The following SMURF1 variants were observed in gnomAD, a reference collection of about 807,000 sequenced individuals.
SMURF1 encodes the protein SMAD specific E3 ubiquitin protein ligase 1, also known as E3 ubiquitin-protein ligase SMURF1.
SMURF1 carries 44 observed loss-of-function variants against 98.0 expected under a neutral mutation model. That is an observed-to-expected ratio of 0.45 (90% confidence interval 0.35 to 0.58). SMURF1 has a LOEUF of 0.58. Among genes scored for constraint, SMURF1 ranks in the 20% least tolerant of loss-of-function variants. SMURF1 has a pLI of 0.00. For synonymous variants in SMURF1, 396 were observed against 374.9 expected (o/e 1.06, Z -0.65); for missense variants, 687 against 938.4 (o/e 0.73, Z 3.50).
intron 1 of SMURF1, among the ~76,000 whole-genome samples, chr7:99,122,126 C>T (rs1473088239): frequency 6.6e-6 from 1 of 151,526 alleles, no homozygotes; most frequent in African/African-American, 2.4e-5. Flanking sequence ...GTCAAGAGTT[C>T]GAGGCCAGCC....
chr7:99,044,218 A>G (rs1795495587), intron 11 of SMURF1, among the ~76,000 whole-genome samples: 2 of 152,204 alleles, frequency 1.3e-5, no homozygotes, highest in Non-Finnish European at 2.9e-5. Flanking sequence ...GGGCTGAGGC[A>G]TGAGAATCAC....
intron 3 of SMURF1, among the ~76,000 whole-genome samples, chr7:99,058,348 T>C (rs1418449328): frequency 6.6e-6 from 1 of 152,078 alleles, no homozygotes; most frequent in Non-Finnish European, 1.5e-5. Context: ...CAGGCTGGTC[T>C]CAACCTCCTG....
intron 10 of SMURF1, among the ~76,000 whole-genome samples, chr7:99,046,533 G>C (rs1332748535): frequency 1.3e-5 from 2 of 151,948 alleles, no homozygotes; most frequent in Non-Finnish European, 2.9e-5. Flanking sequence ...TTCAAGACCA[G>C]CCTGGCCAAC....
intron 1 of SMURF1, among the ~76,000 whole-genome samples, chr7:99,128,878 G>A (rs1011031790): frequency 2.4e-4 from 37 of 152,212 alleles, no homozygotes; most frequent in African/African-American, 7.0e-4. Context: ...GTAAATAACC[G>A]AAGTTGCCAA....
intron 1 of SMURF1, among the ~76,000 whole-genome samples, chr7:99,072,489 C>T (rs1324526559): frequency 1.3e-5 from 2 of 152,134 alleles, no homozygotes; most frequent in African/African-American, 4.8e-5. Context: ...ACTAAAAATA[C>T]AAAATTAGCC....
chr7:99,133,835 G>A (rs982200779), intron 1 of SMURF1, among the ~76,000 whole-genome samples: 1 of 152,184 alleles, frequency 6.6e-6, no homozygotes, highest in Non-Finnish European at 1.5e-5. Context: ...AATGACTGAC[G>A]TACAACCACA....
In SMURF1 at chr7:99,126,568, T is replaced by C. The variant is rs557388525; in HGVS notation, c.55+17158A>G. Among the ~76,000 whole-genome samples the C allele has an allele frequency of 3.9e-5, 6 of 152,246 alleles. No individual in the cohort carries two copies. In the South Asian group the frequency reaches 1.2e-3, roughly 32 times the overall value. On this transcript the variant is annotated intron_variant, in intron 1 of 17. Transcript: ENST00000361368. ...CTACTCGGAGGTTGAGGCAGGAGAA[T>C]TGCTTGAACCCAGGAGATGGAGGTT... is the stretch of plus-strand genomic sequence containing the variant.
At chr7:99,097,915 G>A (rs946298019) in intron 1 of SMURF1, among the ~76,000 whole-genome samples, 3 of 152,192 alleles carry the variant, frequency 2.0e-5, no homozygotes, top group Non-Finnish European at 4.4e-5. Context: ...TTTGAAGACA[G>A]AAATATCTTC....
intron 14 of SMURF1, 27 bp from the exon 15 acceptor site, chr7:99,037,214 G>T: frequency 6.2e-7 from 1 of 1,613,508 alleles, no homozygotes; most frequent in Non-Finnish European, 8.5e-7. Context: ...CAAGTTGGAT[G>T]CAACACCAAG....
chr7:99,106,352 C>A (rs1166899697), intron 1 of SMURF1, among the ~76,000 whole-genome samples: 2 of 152,112 alleles, frequency 1.3e-5, no homozygotes, highest in Admixed American at 6.5e-5. Flanking sequence ...CCCCTGTAAA[C>A]CTATATCTAA....
Position 99,101,564 on chromosome 7 carries a change from T to C in SMURF1, c.56-39727A>G, listed in dbSNP as rs867643576. On this transcript the variant is annotated intron_variant, in intron 1 of 17. Transcript: ENST00000361368. ...TAAATAGATTTAATTTATTGCCCAA[T>C]GTGTAATCACTTTTCGTAAATGGAG... 1.6e-3 allele frequency among the ~76,000 whole-genome samples: 240 copies of C among 152,318 alleles called. 1 individual carries two copies. The highest frequency in any genetic ancestry group is 5.6e-3 in the African/African-American group (231 of 41,568).
Position 99,029,033 on chromosome 7 carries a change from T to G in SMURF1, c.*1551A>C, listed in dbSNP as rs180927315. 2.6e-5 allele frequency: 4 copies of G among 152,640 alleles called. No individual in the cohort carries two copies. The East Asian group carries it at 7.7e-4, about 29-fold the overall frequency. The allele number at this position is 152,640 out of a possible 1,614,324, so 9.5% of individuals were successfully genotyped here. On this transcript the variant is annotated 3_prime_UTR_variant, in exon 18 of 18. Coordinates refer to ENST00000361368, the MANE Select transcript of SMURF1 (RefSeq NM_181349.3). ...GGACTTTTGGAATGGGGGATTAAAC[T>G]TTCCTCCTGCAGCAAACCTCATTTG...
intron 1 of SMURF1, among the ~76,000 whole-genome samples, chr7:99,131,693 G>A (rs901969458): frequency 1.2e-4 from 18 of 152,090 alleles, no homozygotes; most frequent in Admixed American, 1.1e-3. Flanking sequence ...CTCCAGCCTG[G>A]GCGACAGAAC....
chr7:99,131,889 G>A (rs190219178), intron 1 of SMURF1, among the ~76,000 whole-genome samples: 142 of 152,264 alleles, frequency 9.3e-4, no homozygotes, highest in Non-Finnish European at 1.5e-3. Context: ...CAAGCACTCA[G>A]GTCCAGTATT....
At chr7:99,083,147 G>A (rs900956094) in intron 1 of SMURF1, among the ~76,000 whole-genome samples, 2 of 152,008 alleles carry the variant, frequency 1.3e-5, no homozygotes, top group Non-Finnish European at 1.5e-5. Context: ...TTGTGGTGAC[G>A]GTTGCACAAC....
chr7:99,096,516 G>A (rs996293455), intron 1 of SMURF1, among the ~76,000 whole-genome samples: 1 of 152,148 alleles, frequency 6.6e-6, no homozygotes. Context: ...AAGAAAGCCT[G>A]AATGGCTATA....
intron 1 of SMURF1, among the ~76,000 whole-genome samples, chr7:99,081,894 C>T (rs1013183571): frequency 6.6e-6 from 1 of 152,206 alleles, no homozygotes; most frequent in Admixed American, 6.5e-5. Context: ...CTCAGGTGAT[C>T]CACCTGCCTT....
At chr7:99,075,906 C>T (rs1796444586) in intron 1 of SMURF1, among the ~76,000 whole-genome samples, 1 of 152,104 alleles carries the variant, frequency 6.6e-6, no homozygotes. Context: ...TCTATTCTGT[C>T]TATTGATGTT....
At chr7:99,132,544 G>A (rs1252874267) in intron 1 of SMURF1, among the ~76,000 whole-genome samples, 1 of 152,160 alleles carries the variant, frequency 6.6e-6, no homozygotes, top group African/African-American at 2.4e-5. Context: ...AGCAGAATAG[G>A]CTGCCTGATC....
Sources: allele counts gnomAD v4.1 joint callset (sites outside exome capture counted in the v4.1 genomes callset), GRCh38; gene constraint gnomAD v4.1.1; transcripts MANE v1.5; gene names NCBI Gene and HGNC (gene_info 2026-07-23, HGNC 2026-07-21).